The following OSTM1 variants were observed in gnomAD, a reference collection of about 807,000 sequenced individuals.
OSTM1 encodes the protein osteopetrosis-associated transmembrane protein 1.
A neutral mutation model predicts 35.4 loss-of-function variants in OSTM1; 26 were observed. The observed-to-expected ratio is 0.73, with a 90% CI of 0.54 to 1.02. The LOEUF (loss-of-function observed/expected upper bound fraction) is 1.02. Among genes scored for constraint, OSTM1 ranks in the 50% least tolerant of loss-of-function variants. The pLI, the probability that OSTM1 is intolerant of heterozygous loss-of-function variation, is 0.00. For missense variants in OSTM1, 366 were observed against 409.6 expected (o/e 0.89, Z 0.92); for synonymous variants, 181 against 165.0 (o/e 1.10, Z -0.75).
chr6:108,052,808 G>A (rs1217353146), intron 3 of OSTM1, among the ~76,000 whole-genome samples: 1 of 152,036 alleles, frequency 6.6e-6, no homozygotes, highest in Non-Finnish European at 1.5e-5. Flanking sequence ...ATCCTTTCAC[G>A]CCCTTCATTG....
intron 1 of OSTM1, among the ~76,000 whole-genome samples, chr6:108,070,459 C>G (rs1178616199): frequency 1.3e-5 from 2 of 152,188 alleles, no homozygotes; most frequent in Non-Finnish European, 2.9e-5. Context: ...TTTCCCCTAA[C>G]TATACTGATA....
intron 1 of OSTM1, 94 bp downstream of exon 1, chr6:108,074,155 TG>T: frequency 8.0e-7 from 1 of 1,245,088 alleles, no homozygotes; most frequent in Non-Finnish European, 1.1e-6. Context: ...TTCTTACTGT[TG>T]GGGAAACTGA....
chr6:108,074,468 G>C lies in OSTM1; in HGVS notation c.184C>G (p.Leu62Val). 6.4e-7 allele frequency: 1 copy of C among 1,557,084 alleles called. No homozygotes were observed. The highest frequency in any genetic ancestry group is 1.2e-5 in the South Asian group (1 of 84,784). ...LLEVEDLSLS[L>V]LQGGGLGPLS... ...GGCCCCAGCCCTCCACCCTGCAGGA[G>C]GGACAGGGACAAGTCCTCCACCTCC... Residue 62 changes from leucine to valine, a missense_variant, in exon 1 of 6, where the codon CTC becomes GTC. Physicochemically the swap from Leu to Val is conservative, Grantham distance 32. Around this residue, in one of 3 missense-constraint regions of OSTM1, gnomAD observed 236 missense variants for 239.3 expected, o/e 0.99. Coordinates refer to ENST00000193322, the MANE Select transcript of OSTM1 (RefSeq NM_014028.4).
At chr6:108,073,320 T>C (rs1030947177) in intron 1 of OSTM1, among the ~76,000 whole-genome samples, 7 of 152,172 alleles carry the variant, frequency 4.6e-5, no homozygotes, top group Non-Finnish European at 1.0e-4. Context: ...GTTTTTCCTT[T>C]ACCAAGCATA....
At chr6:108,052,040 C>T (rs887610598) in intron 3 of OSTM1, among the ~76,000 whole-genome samples, 7 of 152,070 alleles carry the variant, frequency 4.6e-5, no homozygotes, top group Non-Finnish European at 2.9e-5. Context: ...ACAATGTTAC[C>T]CTCACCATCT....
chr6:108,056,126 A>T (rs1266936967), intron 2 of OSTM1, among the ~76,000 whole-genome samples: 1 of 152,238 alleles, frequency 6.6e-6, no homozygotes, highest in Non-Finnish European at 1.5e-5. Flanking sequence ...TACTACAACG[A>T]AAGTTAACAC....
In OSTM1 at chr6:108,074,530, C is replaced by G. The variant is rs1286386434; in HGVS notation, c.122G>C (p.Arg41Thr). The change falls in exon 1 of 6, where the codon AGG (arginine) becomes ACG (threonine). Residue 41 changes from arginine (R) to threonine (T), a missense_variant. Arg to Thr is a moderately conservative substitution (Grantham distance 71). Transcript: ENST00000193322. ...GALPFGSSPHRVFHDLLSEQQ... is the reference protein window; with the variant it reads ...GALPFGSSPHTVFHDLLSEQQ... Reference sequence around the variant, plus strand: ...CTCCGACAGGAGGTCGTGGAAGACCCTGTGCGGACTGCTGCCGAAGGGGAG... The same window carrying G: ...CTCCGACAGGAGGTCGTGGAAGACCGTGTGCGGACTGCTGCCGAAGGGGAG... The G allele has an allele frequency of 1.3e-6, 2 of 1,557,162 alleles. No homozygotes were observed. The highest frequency in any genetic ancestry group is 2.7e-5 in the African/African-American group (2 of 73,406).
At chr6:108,057,123 G>A (rs1318301328) in intron 2 of OSTM1, among the ~76,000 whole-genome samples, 1 of 152,120 alleles carries the variant, frequency 6.6e-6, no homozygotes, top group Non-Finnish European at 1.5e-5. Flanking sequence ...AGCGGCTTGG[G>A]AGGCTGAGAG....
chr6:108,065,601 T>C (rs1419056188), intron 1 of OSTM1, among the ~76,000 whole-genome samples: 1 of 152,170 alleles, frequency 6.6e-6, no homozygotes, highest in African/African-American at 2.4e-5. Flanking sequence ...CACTAGCTAG[T>C]GACCTTGGGC....
intron 1 of OSTM1, among the ~76,000 whole-genome samples, chr6:108,065,452 G>C (rs1032311412): frequency 2.0e-5 from 3 of 151,174 alleles, no homozygotes; most frequent in Non-Finnish European, 4.4e-5. Context: ...TGGCCTGACT[G>C]GTCTCGAACT....
chr6:108,074,170 C>T, intron 1 of OSTM1, 80 bp downstream of exon 1: 1 of 1,409,056 alleles, frequency 7.1e-7, no homozygotes, highest in Admixed American at 1.9e-5. Flanking sequence ...AAACTGAGGC[C>T]CCCAGCGCTG....
At chr6:108,073,280 T>A (rs1167397714) in intron 1 of OSTM1, among the ~76,000 whole-genome samples, 1 of 152,230 alleles carries the variant, frequency 6.6e-6, no homozygotes, top group Non-Finnish European at 1.5e-5. Context: ...AGGAACTTTC[T>A]CATTCTCCAA....
chr6:108,070,386 T>A (rs1772459458), intron 1 of OSTM1, among the ~76,000 whole-genome samples: 1 of 152,178 alleles, frequency 6.6e-6, no homozygotes, highest in Non-Finnish European at 1.5e-5. Flanking sequence ...TTGTTCTAAA[T>A]TGCTATGGTA....
chr6:108,058,777 TA>T (rs1235592259), intron 2 of OSTM1, among the ~76,000 whole-genome samples: 199 of 145,268 alleles, frequency 1.4e-3, no homozygotes, highest in Admixed American at 1.2e-3. Context: ...GACTCCGTCT[TA>T]AAAAAAAAAA....
chr6:108,051,023 G>T lies in OSTM1; in HGVS notation c.783+8C>A. On this transcript the variant is annotated splice_region_variant and intron_variant, in intron 4 of 5. Transcript: ENST00000193322. ...AAATATGTATCACATCAGAAGCAAA[G>T]TACTTACTGCATCTTCCACATCAAT... 1.2e-6 allele frequency: 2 copies of T among 1,603,396 alleles called. No homozygotes were observed. The highest frequency in any genetic ancestry group is 1.7e-6 in the Non-Finnish European group (2 of 1,170,606).
chr6:108,059,556 G>A (rs993985362), intron 2 of OSTM1, among the ~76,000 whole-genome samples: 13 of 152,090 alleles, frequency 8.5e-5, no homozygotes, highest in African/African-American at 1.4e-4. Context: ...AAATTAAGCA[G>A]AACAGAAAGA....
chr6:108,068,698 C>T (rs1772424936), intron 1 of OSTM1, among the ~76,000 whole-genome samples: 1 of 152,156 alleles, frequency 6.6e-6, no homozygotes, highest in African/African-American at 2.4e-5. Context: ...CCCCACATAT[C>T]TTCTTCCCCT....
chr6:108,074,637 C>G lies in OSTM1; in HGVS notation c.15G>C (p.Pro5=), dbSNP rs1772560046. The G allele has an allele frequency of 1.3e-6, 2 of 1,551,596 alleles. No individual in the cohort carries two copies. The highest frequency in any genetic ancestry group is 1.7e-6 in the Non-Finnish European group (2 of 1,155,610). Residue 5 remains proline (P), a synonymous_variant, in exon 1 of 6, where the codon CCG becomes CCC. Transcript: ENST00000193322. The part of the protein sequence containing the change: MEPG[P]TAAQRRCSLP... ...ACGAACACCTCCGCTGCGCGGCTGT[C>G]GGGCCCGGCTCCATCACCGGGCTCA...
At chr6:108,061,069 G>A (rs1414726015) in intron 2 of OSTM1, 1 of 151,748 alleles carries the variant, frequency 6.6e-6, no homozygotes, top group African/African-American at 2.4e-5. Flanking sequence ...TTAAAAACAG[G>A]TCTACATATG....
Sources: allele counts gnomAD v4.1 joint callset (sites outside exome capture counted in the v4.1 genomes callset), GRCh38; gene constraint gnomAD v4.1.1; regional missense constraint gnomAD v4.1.1; transcripts MANE v1.5; gene names NCBI Gene and HGNC (gene_info 2026-07-23, HGNC 2026-07-21).